Variants in MTCL3 observed in about 807,000 individuals in gnomAD.
MTCL3 encodes the protein microtubule cross-linking factor 3.
chr6:127,498,067 A>C, the MTCL3 span, among the ~76,000 whole-genome samples: 403 of 152,336 alleles, frequency 2.6e-3, 8 homozygotes, highest in Admixed American at 0.025. Flanking sequence ...CACCAAAAAC[A>C]TAAGTGATGA....
the MTCL3 span, among the ~76,000 whole-genome samples, chr6:127,485,459 C>T: frequency 1.3e-5 from 2 of 152,006 alleles, no homozygotes; most frequent in Admixed American, 6.6e-5. Context: ...AAATTATTGT[C>T]CTAGGGTCAA....
At chr6:127,477,627 A>G in the MTCL3 span, among the ~76,000 whole-genome samples, 1 of 152,356 alleles carries the variant, frequency 6.6e-6, no homozygotes, top group Admixed American at 6.5e-5. Context: ...AGAGATGCTC[A>G]GTAAATACCA....
At chr6:127,475,269 G>T in the MTCL3 span, 3 of 1,561,674 alleles carry the variant, frequency 1.9e-6, no homozygotes, top group South Asian at 2.4e-5. This position sits in a 1 kb window ranked among gnomAD's most constrained non-coding sequence, Gnocchi z 7.3. Flanking sequence ...CCACCGCCGT[G>T]GCTCGCAATA....
the MTCL3 span, among the ~76,000 whole-genome samples, chr6:127,487,650 A>G: frequency 2.6e-5 from 4 of 152,108 alleles, no homozygotes; most frequent in Admixed American, 6.6e-5. Flanking sequence ...TTAGGACCAC[A>G]TTCACTCTCT....
the MTCL3 span, among the ~76,000 whole-genome samples, chr6:127,485,617 T>A: frequency 3.9e-5 from 6 of 152,172 alleles, no homozygotes; most frequent in Non-Finnish European, 7.4e-5. Context: ...GTTCTAGTTC[T>A]GGAAATGTTT....
chr6:127,476,837 G>C, the MTCL3 span, among the ~76,000 whole-genome samples: 2 of 152,188 alleles, frequency 1.3e-5, no homozygotes, highest in Non-Finnish European at 2.9e-5. The surrounding 1 kb of genome is among the most constrained non-coding windows in gnomAD (Gnocchi z 4.4). Flanking sequence ...CGAGCATGTG[G>C]TTCATATGCA....
chr6:127,489,087 C>G, the MTCL3 span, among the ~76,000 whole-genome samples: 1 of 152,164 alleles, frequency 6.6e-6, no homozygotes, highest in African/African-American at 2.4e-5. Context: ...AGCATGTGCT[C>G]ATTTTGTGTC....
chr6:127,479,945 G>C, the MTCL3 span, among the ~76,000 whole-genome samples: 1 of 152,136 alleles, frequency 6.6e-6, no homozygotes, highest in Non-Finnish European at 1.5e-5. Flanking sequence ...AAAGTGCCTG[G>C]TCCACAGTAA....
the MTCL3 span, among the ~76,000 whole-genome samples, chr6:127,486,974 T>G: frequency 6.6e-6 from 1 of 152,148 alleles, no homozygotes; most frequent in Admixed American, 6.5e-5. Flanking sequence ...GAGAGATTCA[T>G]TTGTGTGGTA....
At chr6:127,516,441 C>A in the MTCL3 span, 1 of 1,599,994 alleles carries the variant, frequency 6.3e-7, no homozygotes, top group East Asian at 2.2e-5. Flanking sequence ...CCACTGGGGA[C>A]CGGGTGGCCG....
the MTCL3 span, among the ~76,000 whole-genome samples, chr6:127,507,694 T>C: frequency 0.51 from 77,223 of 151,626 alleles, 22,789 homozygotes; most frequent in Admixed American, 0.65. Context: ...ATACAAAAAA[T>C]TAGCCGGGCA....
chr6:127,498,615 G>A, the MTCL3 span, among the ~76,000 whole-genome samples: 4 of 152,006 alleles, frequency 2.6e-5, no homozygotes, highest in African/African-American at 4.8e-5. Context: ...ATATCCACAC[G>A]AAAATTTGCA....
chr6:127,500,225 A>G, the MTCL3 span, among the ~76,000 whole-genome samples: 1 of 152,364 alleles, frequency 6.6e-6, no homozygotes, highest in African/African-American at 2.4e-5. Context: ...CTGACCTACA[A>G]AGGAATAAAA....
At chr6:127,475,946 CGTG>C in the MTCL3 span, 1 of 1,612,462 alleles carries the variant, frequency 6.2e-7, no homozygotes, top group African/African-American at 1.3e-5. The surrounding 1 kb of genome is among the most constrained non-coding windows in gnomAD (Gnocchi z 7.3). Flanking sequence ...TTGGCGTTGT[CGTG>C]GTGCCGCGCG....
At chr6:127,518,751 A>T in the MTCL3 span, 1 of 152,212 alleles carries the variant, frequency 6.6e-6, no homozygotes, top group East Asian at 1.9e-4. Context: ...CGCTCGCCGC[A>T]GTTCCACACC....
At chr6:127,490,222 T>C in the MTCL3 span, among the ~76,000 whole-genome samples, 9 of 152,164 alleles carry the variant, frequency 5.9e-5, no homozygotes, top group Non-Finnish European at 1.3e-4. Context: ...AGCCCACTTT[T>C]GAGACCTACT....
At chr6:127,517,500 T>C in the MTCL3 span, 1 of 152,258 alleles carries the variant, frequency 6.6e-6, no homozygotes, top group Non-Finnish European at 1.5e-5. Context: ...TTTCTGGTGA[T>C]GAATTTTCCT....
At chr6:127,507,413 A>G in the MTCL3 span, among the ~76,000 whole-genome samples, 1 of 152,204 alleles carries the variant, frequency 6.6e-6, no homozygotes, top group Non-Finnish European at 1.5e-5. Flanking sequence ...GCACAAAAAT[A>G]ATCCACAAAT....
the MTCL3 span, among the ~76,000 whole-genome samples, chr6:127,493,602 C>T: frequency 6.6e-6 from 1 of 152,140 alleles, no homozygotes; most frequent in African/African-American, 2.4e-5. Flanking sequence ...ATCAGCCAGC[C>T]CTCTTCTGCT....
Sources: allele counts gnomAD v4.1 joint callset (sites outside exome capture counted in the v4.1 genomes callset), GRCh38; gene constraint gnomAD v4.1.1; non-coding constraint Gnocchi (gnomAD v3.1); transcripts MANE v1.5; gene names NCBI Gene and HGNC (gene_info 2026-07-23, HGNC 2026-07-21).